The following PHRF1 variants were observed in gnomAD, a reference collection of about 807,000 sequenced individuals.
PHRF1 encodes the protein PHD and ring finger domains 1, also known as PHD and RING finger domain-containing protein 1.
A neutral mutation model predicts 128.9 loss-of-function variants in PHRF1; 53 were observed. That is an observed-to-expected ratio of 0.41 (90% CI 0.33 to 0.52). PHRF1 has a LOEUF of 0.52. Among genes scored for constraint, PHRF1 ranks in the 20% least tolerant of loss-of-function variants. The pLI is 0.21. For missense variants in PHRF1, 2,503 were observed against 2,284.5 expected, an observed-to-expected ratio of 1.10 and a Z score of -1.95; for synonymous variants, 1,178 against 980.6, an observed-to-expected ratio of 1.20 and a Z score of -3.76.
intron 14 of PHRF1, 26 bp from the exon 15 acceptor site, chr11:610,170 C>A: frequency 4.1e-6 from 6 of 1,481,016 alleles, no homozygotes; most frequent in Non-Finnish European, 5.4e-6. Context: ...ACAGAGCACC[C>A]ACCTCCCTGT....
chr11:595,553 G>A (rs1249926663), intron 6 of PHRF1, among the ~76,000 whole-genome samples: 14 of 152,216 alleles, frequency 9.2e-5, no homozygotes, highest in Admixed American at 7.2e-4. Flanking sequence ...TGCCTGCACC[G>A]TAGCTGGGCA....
At chr11:605,370 C>A in intron 11 of PHRF1, 70 bp downstream of exon 11, 2 of 1,573,412 alleles carry the variant, frequency 1.3e-6, no homozygotes, top group Non-Finnish European at 8.7e-7. Flanking sequence ...CACGGGGCCC[C>A]GAGGTGCATG....
intron 1 of PHRF1, among the ~76,000 whole-genome samples, chr11:578,836 C>G (rs544562926): frequency 6.6e-6 from 1 of 152,266 alleles, no homozygotes; most frequent in South Asian, 2.1e-4. Context: ...CAAGCATGAG[C>G]CACCACGCCC....
At position 592,577 on chromosome 11, in the gene PHRF1, A is replaced by G. The variant is rs1855043629; in HGVS notation, c.523A>G (p.Lys175Glu). Residue 175 changes from lysine to glutamate, a missense_variant, in exon 6 of 18, where the codon AAA becomes GAA. Lys to Glu is a moderately conservative substitution (Grantham distance 56). Coordinates refer to ENST00000264555, the MANE Select transcript of PHRF1 (RefSeq NM_001286581.2). ...ILRKIPVENTKASEEEEDPTF... is the reference protein window; with the variant it reads ...ILRKIPVENTEASEEEEDPTF... ...GTCCTAGATCCCAGTGGAGAACACC[A>G]AAGCGAGCGAGGAGGAGGAGGACCC... 1.9e-6 allele frequency: 3 copies of G among 1,613,958 alleles called. No individual in the cohort carries two copies. In the South Asian group the frequency reaches 3.3e-5, roughly 18 times the overall value.
intron 13 of PHRF1, 38 bp from the exon 14 acceptor site, chr11:607,028 G>T: frequency 6.5e-7 from 1 of 1,530,030 alleles, no homozygotes; most frequent in Middle Eastern, 1.8e-4. Flanking sequence ...AAGAAGAGTG[G>T]GTGGGAAATG....
chr11:586,609 C>G (rs952660637), intron 3 of PHRF1, among the ~76,000 whole-genome samples: 25 of 152,190 alleles, frequency 1.6e-4, no homozygotes, highest in Admixed American at 1.2e-3. Flanking sequence ...GAGTTTGGTA[C>G]AAAGAAGATA....
At position 601,876 on chromosome 11, in the gene PHRF1, C is replaced by T. The variant is rs146438334; in HGVS notation, c.1152+175C>T. ...TCAGTGATTTGCTGATGGAAATGAACATTTCTGTAGCACAGACTGAAGATG... is the reference window on the plus strand; with the variant it reads ...TCAGTGATTTGCTGATGGAAATGAATATTTCTGTAGCACAGACTGAAGATG... On this transcript the variant is annotated intron_variant, in intron 10 of 17. Transcript: ENST00000264555. Among the ~76,000 whole-genome samples the T allele has an allele frequency of 5.3e-5, 8 of 152,370 alleles. No homozygotes were observed. The East Asian group carries it at 1.5e-3, about 29-fold the overall frequency.
Position 609,385 on chromosome 11 carries a change from C to T in PHRF1, c.3929C>T (p.Pro1310Leu), listed in dbSNP as rs755161238. 2.5e-6 allele frequency: 4 copies of T among 1,611,628 alleles called. No individual in the cohort carries two copies. Among genetic ancestry groups the T allele is most frequent in the East Asian group, 4.5e-5 (2 of 44,888 alleles). The change falls in exon 14 of 18, where the codon CCC becomes CTC. Residue 1310 changes from proline (P) to leucine (L), a missense_variant. Physicochemically the swap from Pro to Leu is moderately conservative, Grantham distance 98 (BLOSUM62 -3). Coordinates refer to ENST00000264555, the MANE Select transcript of PHRF1 (RefSeq NM_001286581.2). The part of the protein sequence containing the change: ...ERDFPLKPAL[P>L]PASLAVAAIQ... The stretch of plus-strand genomic sequence containing the variant: ...GACTTCCCACTGAAGCCTGCGTTGC[C>T]CCCAGCCAGCCTGGCCGTGGCCGCC...
intron 3 of PHRF1, among the ~76,000 whole-genome samples, chr11:586,540 G>C (rs938083122): frequency 6.6e-6 from 1 of 152,182 alleles, no homozygotes; most frequent in Non-Finnish European, 1.5e-5. Flanking sequence ...CACCCACACC[G>C]AGTCTGCTCC....
chr11:582,982 C>A (rs762328750), intron 3 of PHRF1, among the ~76,000 whole-genome samples: 16 of 150,702 alleles, frequency 1.1e-4, no homozygotes, highest in Non-Finnish European at 1.8e-4. Context: ...TGCAGTGAGC[C>A]GAGATTGTGC....
In PHRF1 at chr11:581,582, C is replaced by A. The variant is rs1589856398; in HGVS notation, c.70C>A (p.Pro24Thr). 1 of 1,613,138 alleles carries A rather than the reference C, an allele frequency of 6.2e-7. No homozygotes were observed. ...PGPDGHPQVG[P>T]ADPAGDFEES... The stretch of plus-strand genomic sequence containing the variant: ...GCCGGATGGACACCCACAGGTCGGC[C>A]CTGCGGACCCGGCAGGTGACTTTGG... The change falls in exon 2 of 18, where the codon CCT becomes ACT. Residue 24 changes from proline (P) to threonine (T), a missense_variant. Physicochemically the swap from Pro to Thr is conservative, Grantham distance 38. Coordinates refer to ENST00000264555, the MANE Select transcript of PHRF1 (RefSeq NM_001286581.2).
intron 9 of PHRF1, among the ~76,000 whole-genome samples, chr11:599,248 C>CTT (rs1855489133): frequency 8.0e-6 from 1 of 124,736 alleles, no homozygotes; most frequent in African/African-American, 3.0e-5. Flanking sequence ...TTTTTTTTTT[C>CTT]TTTTCTTTTT....
chr11:587,291 T>G lies in PHRF1; in HGVS notation c.247T>G (p.Leu83Val), dbSNP rs1293131710. 1 of 1,613,444 alleles carries G rather than the reference T, an allele frequency of 6.2e-7. No individual in the cohort carries two copies. Among genetic ancestry groups the G allele is most frequent in the Non-Finnish European group, 8.5e-7 (1 of 1,179,882 alleles). The part of the protein sequence containing the change: ...SEDSEDDGET[L>V]LEVAGTQGKL... ...GGATTCTGAAGACGACGGGGAGACA[T>G]TGCTGGAGGTAGCGGGTACTCAGGG... The change falls in exon 4 of 18, where the codon TTG becomes GTG. Residue 83 changes from leucine (L) to valine (V), a missense_variant. Physicochemically the swap from Leu to Val is conservative, Grantham distance 32. Coordinates refer to ENST00000264555, the MANE Select transcript of PHRF1 (RefSeq NM_001286581.2).
Position 608,499 on chromosome 11 carries a change from G to A in PHRF1, c.3043G>A (p.Gly1015Arg), listed in dbSNP as rs201810294. 42 of 1,611,486 alleles carry A rather than the reference G, an allele frequency of 2.6e-5. No individual in the cohort carries two copies. The highest frequency in any genetic ancestry group is 4.5e-5 in the East Asian group (2 of 44,882). The part of the protein sequence containing the change: ...AKRKRVSREH[G>R]RTRSGTRSES... ...GAGGAAGAGGGTGTCCAGGGAGCAC[G>A]GACGGACGCGCTCTGGGACGCGCTC... The change falls in exon 14 of 18, where the codon GGA becomes AGA. Residue 1015 changes from glycine to arginine, a missense_variant. Physicochemically the swap from Gly to Arg is moderately radical, Grantham distance 125. Coordinates refer to ENST00000264555, the MANE Select transcript of PHRF1 (RefSeq NM_001286581.2).
rs1254173312 is a variant in PHRF1, at chr11:610,672, G to A, written c.4588G>A (p.Glu1530Lys). The stretch of plus-strand genomic sequence containing the variant: ...GCCCGCTGCCCTGACCCCAGCCTCA[G>A]AGCCAGCCAGTCAAGCCACTGCAGC... ...PVPAALTPAS[E>K]PASQATAASN... Residue 1530 changes from glutamate (E) to lysine (K), a missense_variant, in exon 16 of 18, where the codon GAG (glutamate) becomes AAG (lysine). Transcript: ENST00000264555. 2 of 1,603,596 alleles carry A rather than the reference G, an allele frequency of 1.2e-6. No individual in the cohort carries two copies. The highest frequency in any genetic ancestry group is 2.2e-5 in the East Asian group (1 of 44,870).
chr11:604,981 A>G, intron 10 of PHRF1, 138 bp from the exon 11 acceptor site: 1 of 822,624 alleles, frequency 1.2e-6, no homozygotes, highest in Non-Finnish European at 1.9e-6. Context: ...ATGCCTGAGA[A>G]GCCCATTGAC....
chr11:589,423 C>A (rs1176317047), intron 4 of PHRF1, among the ~76,000 whole-genome samples: 1 of 152,048 alleles, frequency 6.6e-6, no homozygotes, highest in Non-Finnish European at 1.5e-5. Context: ...CAGGAAGGCA[C>A]CAAGAATTGC....
intron 13 of PHRF1, 195 bp from the exon 14 acceptor site, chr11:606,865 TCAGGCA>T (rs1428912264): frequency 5.1e-6 from 5 of 973,710 alleles, no homozygotes; most frequent in Non-Finnish European, 4.4e-6. Flanking sequence ...CCTGATGGCC[TCAGGCA>T]CTGTACTTTG....
intron 3 of PHRF1, among the ~76,000 whole-genome samples, chr11:587,005 T>G (rs144154176): frequency 3.9e-5 from 6 of 152,298 alleles, no homozygotes; most frequent in African/African-American, 1.4e-4. Flanking sequence ...GAGGAGCTGG[T>G]CTGGCACTCA....
Sources: allele counts gnomAD v4.1 joint callset (sites outside exome capture counted in the v4.1 genomes callset), GRCh38; gene constraint gnomAD v4.1.1; transcripts MANE v1.5; gene names NCBI Gene and HGNC (gene_info 2026-07-23, HGNC 2026-07-21).